GRK1: variants seen among roughly 807,000 people sequenced by gnomAD.
The protein encoded by GRK1 is G protein-coupled receptor kinase 1, also known as rhodopsin kinase GRK1.
Under a neutral mutation model 41.7 loss-of-function variants are expected in GRK1, and 28 were observed. The observed-to-expected ratio is 0.67, with a 90% CI of 0.50 to 0.92. The LOEUF (loss-of-function observed/expected upper bound fraction) is 0.92. Among genes scored for constraint, GRK1 ranks in the 40% least tolerant of loss-of-function variants. GRK1 has a pLI of 0.00. For synonymous variants in GRK1, 327 were observed against 286.7 expected (o/e 1.14, Z -1.42); for missense variants, 703 against 671.2 (o/e 1.05, Z -0.52).
rs745966774 is a variant in GRK1, at chr13:113,733,090, T to G, written c.1396+5T>G. ...ACTGGAGGCAGCTGGAGGCTGGTAC[T>G]GTTGGACGCCTCAGCCCCGGAGAGG... is the stretch of plus-strand genomic sequence containing the variant. On this transcript the variant is annotated splice_donor_5th_base_variant and intron_variant, in intron 6 of 6. Coordinates refer to ENST00000335678, the MANE Select transcript of GRK1 (RefSeq NM_002929.3). The G allele has an allele frequency of 6.5e-7, 1 of 1,534,702 alleles. No individual in the cohort carries two copies. Among genetic ancestry groups the G allele is most frequent in the Admixed American group, 2.0e-5 (1 of 50,944 alleles).
At chr13:113,652,991 T>C in the GRK1 span, 2 of 1,614,056 alleles carry the variant, frequency 1.2e-6, no homozygotes, top group East Asian at 2.2e-5. Context: ...CTTGGTGTGG[T>C]TGGGAGCGCG....
Position 113,737,667 on chromosome 13 carries a change from C to T in GRK1, c.*2304C>T, listed in dbSNP as rs551570333. The T allele has an allele frequency of 1.3e-5, 2 of 154,468 alleles. No homozygotes were observed. Among genetic ancestry groups the T allele is most frequent in the African/African-American group, 4.8e-5 (2 of 41,626 alleles). 9.6% of individuals were successfully genotyped at this position (154,468 alleles called of 1,614,324 possible). ...ACTTTCATATGTCCTGTCAAGTTGCCTCATGCACCTGCAGACTGTTCTTGG... is the reference window on the plus strand; with the variant it reads ...ACTTTCATATGTCCTGTCAAGTTGCTTCATGCACCTGCAGACTGTTCTTGG... On this transcript the variant is annotated 3_prime_UTR_variant, in exon 7 of 7. Transcript: ENST00000335678.
chr13:113,661,478 A>C, the GRK1 span, among the ~76,000 whole-genome samples: 420 of 152,230 alleles, frequency 2.8e-3, 4 homozygotes, highest in African/African-American at 9.7e-3. Flanking sequence ...GCAAGCAAGC[A>C]AACAACAGCA....
At position 113,735,479 on chromosome 13, in the gene GRK1, C is replaced by T; in HGVS notation, c.*116C>T. The T allele has an allele frequency of 8.5e-7, 1 of 1,177,312 alleles. No homozygotes were observed. The highest frequency in any genetic ancestry group is 1.1e-6 in the Non-Finnish European group (1 of 876,426). 72.9% of individuals were successfully genotyped at this position (1,177,312 alleles called of 1,614,324 possible). On this transcript the variant is annotated 3_prime_UTR_variant, in exon 7 of 7. Coordinates refer to ENST00000335678, the MANE Select transcript of GRK1 (RefSeq NM_002929.3). The stretch of plus-strand genomic sequence containing the variant: ...CAAGGGGACACGTGGTTCCCTCCAC[C>T]CAGGTCCCCATCACGCCATCTCCTT...
At chr13:113,726,380 G>T (rs866392439) in intron 4 of GRK1, 1 of 3,214 alleles carries the variant, frequency 3.1e-4, no homozygotes, top group African/African-American at 2.4e-3. Context: ...CTAGTTTGAG[G>T]TCAGGGGCGG....
intron 4 of GRK1, among the ~76,000 whole-genome samples, chr13:113,730,905 C>T (rs1461497207): frequency 2.0e-5 from 3 of 152,246 alleles, no homozygotes; most frequent in Non-Finnish European, 4.4e-5. Flanking sequence ...GGAAGGCTGC[C>T]TCAGTGCAGC....
chr13:113,733,941 TGTGC>T (rs1359583973), intron 6 of GRK1, among the ~76,000 whole-genome samples: 6 of 139,350 alleles, frequency 4.3e-5, no homozygotes, highest in African/African-American at 1.9e-4. Context: ...TGCATACGTG[TGTGC>T]GTGTGTGTGC....
chr13:113,656,263 C>T, the GRK1 span, among the ~76,000 whole-genome samples: 4 of 152,186 alleles, frequency 2.6e-5, no homozygotes, highest in Non-Finnish European at 5.9e-5. Context: ...GGCCGCCTGT[C>T]CCCCGGGGAC....
chr13:113,667,062 T>C (rs753725058), upstream of GRK1: 4 of 213,296 alleles, frequency 1.9e-5, no homozygotes, highest in Non-Finnish European at 2.8e-5. The surrounding 1 kb of genome is among the most constrained non-coding windows in gnomAD (Gnocchi z 7.5). Context: ...GGCGGCCCCT[T>C]GGAGGAAGGG....
chr13:113,736,591 A>G lies in GRK1; in HGVS notation c.*1228A>G, dbSNP rs908850737. On this transcript the variant is annotated 3_prime_UTR_variant, in exon 7 of 7. Transcript: ENST00000335678. ...GTGCTGGCCTGGGTTCCATGGCCTC[A>G]GCAGCCGGCTCAGAGGGAGTGCATC... 5 of 152,240 alleles carry G rather than the reference A, an allele frequency of 3.3e-5. No individual in the cohort carries two copies. Among genetic ancestry groups the G allele is most frequent in the African/African-American group, 1.2e-4 (5 of 41,448 alleles). The allele number at this position is 152,240 out of a possible 1,614,324, so 9.4% of individuals were successfully genotyped here. A position where few individuals can be genotyped will look rare whatever the true frequency, so the allele number is the denominator to read the frequency against.
At chr13:113,652,011 G>A in the GRK1 span, among the ~76,000 whole-genome samples, 1 of 152,182 alleles carries the variant, frequency 6.6e-6, no homozygotes, top group African/African-American at 2.4e-5. Context: ...GGGCGGGGTG[G>A]TCTTAGCCCT....
intron 4 of GRK1, among the ~76,000 whole-genome samples, chr13:113,727,013 CG>C (rs2049893304): frequency 6.6e-6 from 1 of 152,240 alleles, no homozygotes; most frequent in Non-Finnish European, 1.5e-5. Context: ...CCCCAGCCTG[CG>C]GCCTCTCTGC....
At chr13:113,649,455 G>C in the GRK1 span, 1 of 1,570,436 alleles carries the variant, frequency 6.4e-7, no homozygotes, top group Non-Finnish European at 8.7e-7. The surrounding 1 kb of genome is among the most constrained non-coding windows in gnomAD (Gnocchi z 4.7). Flanking sequence ...GCTCCGCCAT[G>C]ACCTTGCACA....
At position 113,731,243 on chromosome 13, in the gene GRK1, AG is replaced by A. The variant is rs2049934874; in HGVS notation, c.1097del (p.Gly366AlafsTer20). The A allele has an allele frequency of 1.8e-5, 28 of 1,537,024 alleles. No homozygotes were observed. Among genetic ancestry groups the A allele is most frequent in the Non-Finnish European group, 2.4e-5 (28 of 1,146,796 alleles). On this transcript the variant is annotated frameshift_variant, in exon 5 of 7. Transcript: ENST00000335678. LOFTEE classifies it high-confidence loss of function. The surrounding 1 kb of genome is among the most constrained non-coding windows in gnomAD (Gnocchi z 5.6). ...GGTTTCATGGCCCCCGAGCTCCTGC[AG>A]GGCGAGGAGTACGACTTCTCCGTGG... is the stretch of plus-strand genomic sequence containing the variant. ...TPGFMAPELL[Q>X]GEEYDFSVDY...
chr13:113,671,572 A>T lies in GRK1; in HGVS notation c.901A>T (p.Ile301Phe), dbSNP rs763469902. 1.3e-6 allele frequency: 1 copy of T among 777,048 alleles called. No individual in the cohort carries two copies. The highest frequency in any genetic ancestry group is 2.4e-6 in the Non-Finnish European group (1 of 417,940). The allele number at this position is 777,048 out of a possible 1,614,324, so 48.1% of individuals were successfully genotyped here. The change falls in exon 3 of 7, where the codon ATC becomes TTC. Residue 301 changes from isoleucine (I) to phenylalanine (F), a missense_variant. Physicochemically the swap from Ile to Phe is conservative, Grantham distance 21. Coordinates refer to ENST00000335678, the MANE Select transcript of GRK1 (RefSeq NM_002929.3). The surrounding 1 kb of genome is among the most constrained non-coding windows in gnomAD (Gnocchi z 4.1). ...EPRALFYTAQ[I>F]ICGLEHLHQR... ...GCGCGCCCTCTTCTACACGGCGCAG[A>T]TCATCTGCGGCCTGGAGCACCTGCA...
Position 113,733,670 on chromosome 13 carries a change from C to T in GRK1, c.1396+585C>T, listed in dbSNP as rs1409798179. Among the ~76,000 whole-genome samples the T allele has an allele frequency of 2.3e-3, 125 of 54,692 alleles. 1 individual carries two copies. The highest frequency in any genetic ancestry group is 0.015 in the East Asian group (27 of 1,756). The allele number at this position is 54,692 out of a possible 152,430, so 35.9% of individuals were successfully genotyped here. On this transcript the variant is annotated intron_variant, in intron 6 of 6. Coordinates refer to ENST00000335678, the MANE Select transcript of GRK1 (RefSeq NM_002929.3). ...GTGCATACGTGTGTGTGCGTGTGTG[C>T]ACGTGTGTGCATGTATGTGTGCATA...
At chr13:113,729,201 T>C (rs2049915674) in intron 4 of GRK1, among the ~76,000 whole-genome samples, 1 of 152,172 alleles carries the variant, frequency 6.6e-6, no homozygotes, top group South Asian at 2.1e-4. Flanking sequence ...TAGGGGTGTT[T>C]GTGAGTGTGA....
At chr13:113,669,520 T>C (rs1232665929) in intron 1 of GRK1, 167 bp from the exon 2 acceptor site, 1 of 238,002 alleles carries the variant, frequency 4.2e-6, no homozygotes, top group Non-Finnish European at 6.8e-6. Context: ...GGTGCAGGCA[T>C]GTTTTGAAGT....
chr13:113,658,089 C>T, the GRK1 span: 1,219 of 1,612,338 alleles, frequency 7.6e-4, 6 homozygotes, highest in South Asian at 4.0e-4. Flanking sequence ...CCAGCAGTAA[C>T]GCTGGAACTC....
Sources: gnomAD v4.1 joint callset for allele counts (sites outside exome capture counted in the v4.1 genomes callset) on GRCh38, gnomAD v4.1.1 for gene constraint, Gnocchi (gnomAD v3.1) non-coding constraint, MANE v1.5 for transcripts, NCBI Gene and HGNC (gene_info 2026-07-23, HGNC 2026-07-21) for gene names.